AMER3: variants seen among roughly 807,000 people sequenced by gnomAD.
AMER3 encodes the protein family with sequence similarity 123C.
For synonymous variants in AMER3, 541 were observed against 485.5 expected (o/e 1.11, Z -1.50); for missense variants, 1,201 against 1,139.4 (o/e 1.05, Z -0.78).
chr2:130,764,798 G>C lies in AMER3; in HGVS notation c.*140G>C. 9.1e-7 allele frequency: 1 copy of C among 1,104,676 alleles called. No individual in the cohort carries two copies. The highest frequency in any genetic ancestry group is 1.3e-6 in the Non-Finnish European group (1 of 785,996). The allele number at this position is 1,104,676 out of a possible 1,614,324, so 68.4% of individuals were successfully genotyped here. On this transcript the variant is annotated 3_prime_UTR_variant, in exon 2 of 2. Transcript: ENST00000321420. ...GGTGGCAGGACTCAGGCATGCAGAG[G>C]GTAGCATGTTCATGTGGAGGCATCC...
chr2:130,758,556 A>G (rs991138761), intron 1 of AMER3, among the ~76,000 whole-genome samples: 2 of 152,248 alleles, frequency 1.3e-5, no homozygotes, highest in African/African-American at 4.8e-5. Context: ...TAAACATTTG[A>G]CTAAGATATC....
Position 130,763,506 on chromosome 2 carries a change from G to C in AMER3, c.1434G>C (p.Leu478=), listed in dbSNP as rs762768168. ...ENLAPAPGPD[L]LSQGFLQSSW... ...TGGCCCCAGCACCAGGCCCTGACCT[G>C]CTCAGCCAGGGCTTCCTACAGAGCT... The change falls in exon 2 of 2, where the codon CTG becomes CTC. Residue 478 remains leucine (L), a synonymous_variant. Coordinates refer to ENST00000321420, the MANE Select transcript of AMER3 (RefSeq NM_152698.3). The C allele has an allele frequency of 6.2e-7, 1 of 1,612,268 alleles. No individual in the cohort carries two copies. Among genetic ancestry groups the C allele is most frequent in the Non-Finnish European group, 8.5e-7 (1 of 1,179,644 alleles).
Position 130,764,136 on chromosome 2 carries a change from C to T in AMER3, c.2064C>T (p.Asn688=), listed in dbSNP as rs763951703. Residue 688 remains asparagine, a synonymous_variant, in exon 2 of 2, where the codon AAC becomes AAT. Transcript: ENST00000321420. ...ARVAALKISS[N]EQPPAAWPPR... The stretch of plus-strand genomic sequence containing the variant: ...TGGCAGCCCTGAAGATCAGCTCAAA[C>T]GAACAGCCCCCGGCCGCATGGCCTC... 1.1e-5 allele frequency: 17 copies of T among 1,611,530 alleles called. No homozygotes were observed. Among genetic ancestry groups the T allele is most frequent in the South Asian group, 4.4e-5 (4 of 90,782 alleles).
Position 130,762,458 on chromosome 2 carries a change from A to G in AMER3, c.386A>G (p.Tyr129Cys), listed in dbSNP as rs1290842460. The change falls in exon 2 of 2, where the codon TAC (tyrosine) becomes TGC (cysteine). Residue 129 changes from tyrosine to cysteine, a missense_variant. Tyr to Cys is a radical substitution (Grantham distance 194). Transcript: ENST00000321420. ...GSPGSRRMID[Y>C]RHFVPQMPFV... The stretch of plus-strand genomic sequence containing the variant: ...CCGGGCAGCCGGCGCATGATCGACT[A>G]CCGCCACTTTGTGCCCCAGATGCCC... The G allele has an allele frequency of 1.2e-6, 2 of 1,612,976 alleles. No homozygotes were observed. The highest frequency in any genetic ancestry group is 2.7e-5 in the African/African-American group (2 of 75,066).
intron 1 of AMER3, among the ~76,000 whole-genome samples, chr2:130,759,708 G>A (rs901782443): frequency 1.3e-5 from 2 of 152,172 alleles, no homozygotes; most frequent in Non-Finnish European, 2.9e-5. Flanking sequence ...TCCCACAAAA[G>A]AGTCTGAGCT....
At position 130,764,077 on chromosome 2, in the gene AMER3, G is replaced by A. The variant is rs372093901; in HGVS notation, c.2005G>A (p.Ala669Thr). The change falls in exon 2 of 2, where the codon GCA (alanine) becomes ACA (threonine). Residue 669 changes from alanine to threonine, a missense_variant. Physicochemically the swap from Ala to Thr is moderately conservative, Grantham distance 58. Transcript: ENST00000321420. ...RPGHGGDTLD[A>T]EPMLAGCVAR... ...AGGTCACGGAGGTGACACTCTGGAT[G>A]CAGAGCCCATGCTGGCAGGCTGTGT... 1.9e-6 allele frequency: 3 copies of A among 1,612,148 alleles called. No homozygotes were observed. The highest frequency in any genetic ancestry group is 2.5e-6 in the Non-Finnish European group (3 of 1,179,410).
In AMER3 at chr2:130,766,077, G is replaced by C. The variant is rs935802382; in HGVS notation, c.*1419G>C. On this transcript the variant is annotated 3_prime_UTR_variant, in exon 2 of 2. Coordinates refer to ENST00000321420, the MANE Select transcript of AMER3 (RefSeq NM_152698.3). ...CACCTAACATGATGCAACTATCCCG[G>C]GATTGTGATTTTTAAGACTTTAGAT... The C allele has an allele frequency of 6.0e-6, 1 of 167,002 alleles. No homozygotes were observed. Among genetic ancestry groups the C allele is most frequent in the African/African-American group, 2.4e-5 (1 of 41,424 alleles). 10.3% of individuals were successfully genotyped at this position (167,002 alleles called of 1,614,324 possible).
In AMER3 at chr2:130,762,581, A is replaced by C. The variant is rs749142142; in HGVS notation, c.509A>C (p.Lys170Thr). The C allele has an allele frequency of 3.3e-5, 54 of 1,613,170 alleles. No homozygotes were observed. Among genetic ancestry groups the C allele is most frequent in the Non-Finnish European group, 4.4e-5 (52 of 1,179,998 alleles). Reference protein sequence around the residue: ...FRNLFHIRRNKTEDLASLAAE... With the variant: ...FRNLFHIRRNTTEDLASLAAE... ...AACCTATTCCACATTCGGAGAAACA[A>C]GACTGAGGACTTGGCCTCGCTGGCG... Residue 170 changes from lysine to threonine, a missense_variant, in exon 2 of 2, where the codon AAG becomes ACG. By Grantham distance (78) the Lys-to-Thr change is moderately conservative. Transcript: ENST00000321420.
rs1186234118 is a variant in AMER3 at position 130,766,031 on chromosome 2, C to T, written c.*1373C>T. ...AACCATTTTCAGTCTCCAAATAAAG[C>T]CCCAAGCAAGGCAGTAGCTCCACCT... On this transcript the variant is annotated 3_prime_UTR_variant, in exon 2 of 2. Coordinates refer to ENST00000321420, the MANE Select transcript of AMER3 (RefSeq NM_152698.3). 6.0e-6 allele frequency: 1 copy of T among 167,058 alleles called. No individual in the cohort carries two copies. The highest frequency in any genetic ancestry group is 2.4e-5 in the African/African-American group (1 of 41,444). The allele number at this position is 167,058 out of a possible 1,614,324, so 10.3% of individuals were successfully genotyped here.
Position 130,763,613 on chromosome 2 carries a change from G to T in AMER3, c.1541G>T (p.Arg514Leu). The T allele has an allele frequency of 6.3e-7, 1 of 1,577,698 alleles. No individual in the cohort carries two copies. Among genetic ancestry groups the T allele is most frequent in the East Asian group, 2.3e-5 (1 of 43,496 alleles). Residue 514 changes from arginine to leucine, a missense_variant, in exon 2 of 2, where the codon CGA becomes CTA. Arg to Leu is a moderately radical substitution (Grantham distance 102, BLOSUM62 -2). Coordinates refer to ENST00000321420, the MANE Select transcript of AMER3 (RefSeq NM_152698.3). ...ITMGIVSWLRRGPTPRAPPTP... is the reference protein window; with the variant it reads ...ITMGIVSWLRLGPTPRAPPTP... ...ATGGGCATCGTCAGCTGGCTGCGCC[G>T]AGGCCCCACGCCCCGTGCCCCACCC...
chr2:130,762,371 G>C lies in AMER3; in HGVS notation c.299G>C (p.Gly100Ala), dbSNP rs1558966402. ...RKCKTHDSMS[G>A]AGRATAATGQ... is the part of the protein sequence containing the mutation. ...TGCAAGACTCACGACAGCATGTCTGGGGCAGGCAGGGCCACGGCTGCCACA... is the reference window on the plus strand; with the variant it reads ...TGCAAGACTCACGACAGCATGTCTGCGGCAGGCAGGGCCACGGCTGCCACA... The change falls in exon 2 of 2, where the codon GGG becomes GCG. Residue 100 changes from glycine (G) to alanine (A), a missense_variant. Gly to Ala is a moderately conservative substitution (Grantham distance 60, BLOSUM62 0). Transcript: ENST00000321420. 6.8e-6 allele frequency: 11 copies of C among 1,611,824 alleles called. No individual in the cohort carries two copies. Among genetic ancestry groups the C allele is most frequent in the Admixed American group, 5.0e-5 (3 of 59,942 alleles).
In AMER3 at chr2:130,768,097, C is replaced by T; in HGVS notation, c.*3439C>T. 1 of 167,308 alleles carries T rather than the reference C, an allele frequency of 6.0e-6. No homozygotes were observed. 10.4% of individuals were successfully genotyped at this position (167,308 alleles called of 1,614,324 possible). ...TGCTGCACCTGAGGGAGTAGCCGCTCTGTAAATCCTTGTTGAAAGAATGAA... is the reference window on the plus strand; with the variant it reads ...TGCTGCACCTGAGGGAGTAGCCGCTTTGTAAATCCTTGTTGAAAGAATGAA... On this transcript the variant is annotated 3_prime_UTR_variant, in exon 2 of 2. Coordinates refer to ENST00000321420, the MANE Select transcript of AMER3 (RefSeq NM_152698.3).
At chr2:130,756,075 C>T (rs140655483) in intron 1 of AMER3, among the ~76,000 whole-genome samples, 2,503 of 149,294 alleles carry the variant, frequency 0.017, 41 homozygotes, top group Middle Eastern at 0.034. Context: ...GAGCGCGGCC[C>T]GAGCGGCGGC....
chr2:130,764,544 G>C lies in AMER3; in HGVS notation c.2472G>C (p.Gly824=). Residue 824 remains glycine, a synonymous_variant, in exon 2 of 2, where the codon GGG becomes GGC. Transcript: ENST00000321420. ...CTTTGAACAGCCAGCAGGAAGGGGG[G>C]GTCTCTGCAAGTGCCCCAGAATGCC... ...GLTLNSQQEG[G]VSASAPECRC... 1 of 1,603,918 alleles carries C rather than the reference G, an allele frequency of 6.2e-7. No homozygotes were observed.
In AMER3 at chr2:130,762,217, A is replaced by C. The variant is rs1338281978; in HGVS notation, c.145A>C (p.Ser49Arg). Residue 49 changes from serine to arginine, a missense_variant, in exon 2 of 2, where the codon AGT becomes CGT. Physicochemically the swap from Ser to Arg is moderately radical, Grantham distance 110. Transcript: ENST00000321420. Reference protein sequence around the residue: ...VLPGGQQRPHSEKGPQASPSA... With the variant: ...VLPGGQQRPHREKGPQASPSA... Reference sequence around the variant, plus strand: ...TCCAGGAGGGCAACAGAGGCCCCACAGTGAGAAGGGCCCCCAAGCCAGCCC... The same window carrying C: ...TCCAGGAGGGCAACAGAGGCCCCACCGTGAGAAGGGCCCCCAAGCCAGCCC... 3 of 1,584,406 alleles carry C rather than the reference A, an allele frequency of 1.9e-6. No individual in the cohort carries two copies. The Admixed American group carries it at 5.5e-5, about 29-fold the overall frequency.
In AMER3 at chr2:130,763,348, T is replaced by C. The variant is rs1678861107; in HGVS notation, c.1276T>C (p.Phe426Leu). ...SYSGDALYEL[F>L]HDPSEGPLGP... ...CAGTGGGGACGCCCTCTACGAGCTC[T>C]TCCACGACCCCAGCGAGGGTCCTCT... The change falls in exon 2 of 2, where the codon TTC (phenylalanine) becomes CTC (leucine). Residue 426 changes from phenylalanine to leucine, a missense_variant. By Grantham distance (22) the Phe-to-Leu change is conservative. Coordinates refer to ENST00000321420, the MANE Select transcript of AMER3 (RefSeq NM_152698.3). The C allele has an allele frequency of 1.2e-6, 2 of 1,613,234 alleles. No individual in the cohort carries two copies. Among genetic ancestry groups the C allele is most frequent in the Non-Finnish European group, 1.7e-6 (2 of 1,179,970 alleles).
At chr2:130,757,311 G>A (rs918391142) in intron 1 of AMER3, among the ~76,000 whole-genome samples, 1 of 152,182 alleles carries the variant, frequency 6.6e-6, no homozygotes, top group Non-Finnish European at 1.5e-5. Context: ...ACACTGTGAT[G>A]GGAGGTGCAC....
In AMER3 at chr2:130,764,538, A is replaced by AG. The variant is rs757215528; in HGVS notation, c.2473dup (p.Val825GlyfsTer16). On this transcript the variant is annotated frameshift_variant, in exon 2 of 2. Coordinates refer to ENST00000321420, the MANE Select transcript of AMER3 (RefSeq NM_152698.3). LOFTEE classifies it low-confidence loss of function (END_TRUNC). ...GCCTCACTTTGAACAGCCAGCAGGAAGGGGGGGTCTCTGCAAGTGCCCCAG... is the reference window on the plus strand; with the variant it reads ...GCCTCACTTTGAACAGCCAGCAGGAAGGGGGGGGTCTCTGCAAGTGCCCCAG... 292 of 1,604,268 alleles carry AG rather than the reference A, an allele frequency of 1.8e-4. 1 individual carries two copies. The highest frequency in any genetic ancestry group is 2.8e-4 in the South Asian group (25 of 89,544).
At chr2:130,757,245 G>T (rs1380396697) in intron 1 of AMER3, among the ~76,000 whole-genome samples, 1 of 152,184 alleles carries the variant, frequency 6.6e-6, no homozygotes, top group East Asian at 1.9e-4. Flanking sequence ...GCAACCAGTA[G>T]AATAACTTCA....
Sources: gnomAD v4.1 joint callset for allele counts (sites outside exome capture counted in the v4.1 genomes callset) on GRCh38, gnomAD v4.1.1 for gene constraint, MANE v1.5 for transcripts, NCBI Gene and HGNC (gene_info 2026-07-23, HGNC 2026-07-21) for gene names.